The following SNX25 variants were observed in gnomAD, a reference collection of about 807,000 sequenced individuals.
SNX25 encodes the protein sorting nexin 25.
SNX25 carries 62 observed loss-of-function variants against 113.7 expected under a neutral mutation model. That is an observed-to-expected ratio of 0.55 (90% CI 0.44 to 0.67). The LOEUF (loss-of-function observed/expected upper bound fraction) is 0.67, where lower values mean the gene tolerates loss of function less well. Among genes scored for constraint, SNX25 ranks in the 30% least tolerant of loss-of-function variants. The pLI is 0.00. For synonymous variants in SNX25, 421 were observed against 436.2 expected (o/e 0.97, Z 0.43); for missense variants, 1,014 against 1,161.0 (o/e 0.87, Z 1.84).
Position 185,267,073 on chromosome 4 carries a change from G to A in SNX25, c.1009G>A (p.Ala337Thr), listed in dbSNP as rs774581601. ...GCAAATGAATGAGCATCACAAGAGAGCCTACACCTATGCCCCCTCTTACGA... is the reference window on the plus strand; with the variant it reads ...GCAAATGAATGAGCATCACAAGAGAACCTACACCTATGCCCCCTCTTACGA... The part of the protein sequence containing the change: ...REQMNEHHKR[A>T]YTYAPSYEDF... The change falls in exon 5 of 19, where the codon GCC becomes ACC. Residue 337 changes from alanine (A) to threonine (T), a missense_variant. Ala to Thr is a moderately conservative substitution (Grantham distance 58). Coordinates refer to ENST00000652585, the MANE Select transcript of SNX25 (RefSeq NM_001378034.2). 9 of 1,613,858 alleles carry A rather than the reference G, an allele frequency of 5.6e-6. No individual in the cohort carries two copies. Among genetic ancestry groups the A allele is most frequent in the Non-Finnish European group, 7.6e-6 (9 of 1,179,968 alleles).
intron 6 of SNX25, among the ~76,000 whole-genome samples, chr4:185,299,996 T>C (rs192581638): frequency 1.6e-4 from 24 of 152,248 alleles, no homozygotes; most frequent in Admixed American, 1.4e-3. Context: ...TTTTTAAAAA[T>C]TGTATATCTT....
At chr4:185,287,286 C>G (rs1223837662) in intron 5 of SNX25, among the ~76,000 whole-genome samples, 1 of 152,210 alleles carries the variant, frequency 6.6e-6, no homozygotes, top group Non-Finnish European at 1.5e-5. Flanking sequence ...GTGCTCTAAT[C>G]TCATGCTTCT....
chr4:185,365,003 AGTGTGTGTGTGTGTATGTGTGT>A (rs1376099448), downstream of SNX25: 2 of 140,126 alleles, frequency 1.4e-5, no homozygotes, highest in Non-Finnish European at 1.5e-5. Context: ...TTAGAGAAGG[AGTGTGTGTGTGTGTATGTGTGT>A]GTGTGTGTGT....
At chr4:185,223,833 T>G (rs2126365450) in intron 1 of SNX25, among the ~76,000 whole-genome samples, 1 of 152,200 alleles carries the variant, frequency 6.6e-6, no homozygotes, top group East Asian at 1.9e-4. Context: ...CATTAATTTA[T>G]TAGGAGTGAC....
At chr4:185,321,679 A>G (rs1013046408) in intron 8 of SNX25, among the ~76,000 whole-genome samples, 5 of 152,206 alleles carry the variant, frequency 3.3e-5, no homozygotes, top group Admixed American at 6.5e-5. Flanking sequence ...ATAAATATTT[A>G]AGAATTAAGT....
intron 3 of SNX25, among the ~76,000 whole-genome samples, chr4:185,260,444 T>C (rs547992255): frequency 1.3e-5 from 2 of 152,154 alleles, no homozygotes; most frequent in Non-Finnish European, 2.9e-5. Flanking sequence ...TTATACCAGA[T>C]TGGAGCTTGA....
chr4:185,342,690 G>A (rs1297211987), intron 12 of SNX25, among the ~76,000 whole-genome samples: 2 of 150,702 alleles, frequency 1.3e-5, no homozygotes, highest in Non-Finnish European at 2.9e-5. Flanking sequence ...ATTAAGGCGC[G>A]GTGCTTGGAG....
chr4:185,294,218 C>T (rs931039326), intron 6 of SNX25, among the ~76,000 whole-genome samples: 3 of 152,118 alleles, frequency 2.0e-5, no homozygotes, highest in Admixed American at 1.3e-4. Context: ...CTTTGCTCAG[C>T]GAGGTCATCC....
At chr4:185,278,689 G>A (rs1750102882) in intron 5 of SNX25, among the ~76,000 whole-genome samples, 1 of 152,178 alleles carries the variant, frequency 6.6e-6, no homozygotes, top group Non-Finnish European at 1.5e-5. Flanking sequence ...GTAGGAGAAA[G>A]CCATTAGGAC....
chr4:185,273,960 A>C (rs568230818), intron 5 of SNX25, among the ~76,000 whole-genome samples: 1 of 152,058 alleles, frequency 6.6e-6, no homozygotes, highest in South Asian at 2.1e-4. Flanking sequence ...TATAGTCCAG[A>C]GTCTTCATGG....
chr4:185,306,357 A>G (rs561806353), intron 6 of SNX25, among the ~76,000 whole-genome samples: 1 of 152,366 alleles, frequency 6.6e-6, no homozygotes. Context: ...TGATCAGACA[A>G]TGGCATTGTA....
At chr4:185,292,784 G>A (rs1752364141) in intron 6 of SNX25, among the ~76,000 whole-genome samples, 1 of 152,166 alleles carries the variant, frequency 6.6e-6, no homozygotes. Context: ...TTATCCAGGT[G>A]TGGTGGTGCA....
the SNX25 span, chr4:185,377,195 C>A: frequency 3.3e-6 from 2 of 602,644 alleles, no homozygotes; most frequent in Non-Finnish European, 3.0e-6. Flanking sequence ...ACGTCATGGT[C>A]ACAGGCCCTA....
intron 2 of SNX25, among the ~76,000 whole-genome samples, chr4:185,254,460 C>G (rs999583666): frequency 6.6e-6 from 1 of 152,156 alleles, no homozygotes; most frequent in African/African-American, 2.4e-5. Context: ...GGACATGTAT[C>G]TCTGAATCGC....
rs376254288 is a variant in SNX25, at chr4:185,267,112, C to T, written c.1048C>T (p.Leu350Phe). 1.4e-5 allele frequency: 22 copies of T among 1,613,668 alleles called. No homozygotes were observed. In the African/African-American group the frequency reaches 2.4e-4, roughly 18 times the overall value. Residue 350 changes from leucine (L) to phenylalanine (F), a missense_variant, in exon 5 of 19, where the codon CTC (leucine) becomes TTC (phenylalanine). Physicochemically the swap from Leu to Phe is conservative, Grantham distance 22. Coordinates refer to ENST00000652585, the MANE Select transcript of SNX25 (RefSeq NM_001378034.2). ...YAPSYEDFIKLINSNSDVEFL... is the reference protein window; with the variant it reads ...YAPSYEDFIKFINSNSDVEFL... ...CCCCTCTTACGAGGACTTCATCAAG[C>T]TCATTAACAGCAACTCTGATGTGGA...
intron 6 of SNX25, among the ~76,000 whole-genome samples, chr4:185,293,063 C>G (rs914914360): frequency 6.6e-6 from 1 of 152,148 alleles, no homozygotes; most frequent in African/African-American, 2.4e-5. Context: ...TCTTATAACT[C>G]GATAATCAAA....
intron 5 of SNX25, among the ~76,000 whole-genome samples, chr4:185,267,390 C>T (rs2126549679): frequency 6.6e-6 from 1 of 151,888 alleles, no homozygotes; most frequent in South Asian, 2.1e-4. Flanking sequence ...TTTGGGGCAC[C>T]CACGCTCCCC....
At chr4:185,370,593 C>T (rs11725789), downstream of SNX25, 129,570 of 1,586,444 alleles carry the variant, frequency 0.082, 6,080 homozygotes, top group African/African-American at 0.17. Flanking sequence ...AGCTAAAAGC[C>T]TGGCAGTTTC....
intron 2 of SNX25, among the ~76,000 whole-genome samples, chr4:185,255,096 G>T (rs773409879): frequency 2.6e-5 from 4 of 151,802 alleles, no homozygotes; most frequent in Admixed American, 6.6e-5. Context: ...AGTTTATATG[G>T]TTATATAATG....
Sources: gnomAD v4.1 joint callset for allele counts (sites outside exome capture counted in the v4.1 genomes callset) on GRCh38, gnomAD v4.1.1 for gene constraint, MANE v1.5 for transcripts, NCBI Gene and HGNC (gene_info 2026-07-23, HGNC 2026-07-21) for gene names.